CACNG7: variants seen among roughly 807,000 people sequenced by gnomAD.
The protein encoded by CACNG7 is calcium voltage-gated channel auxiliary subunit gamma 7.
In CACNG7, 9 loss-of-function variants were observed where a neutral mutation model predicts 26.3. The observed-to-expected ratio is 0.34, with a 90% CI of 0.21 to 0.60. CACNG7 has a LOEUF of 0.60. CACNG7 is among the 20% of genes least tolerant of loss of function. The probability of loss-of-function intolerance (pLI) is 0.81; values close to 1 mark genes in which losing one functional copy is unlikely to be tolerated. For synonymous variants in CACNG7, 170 were observed against 157.0 expected, an observed-to-expected ratio of 1.08 and a Z score of -0.62; for missense variants, 297 against 380.4, an observed-to-expected ratio of 0.78 and a Z score of 1.82.
chr19:53,926,205 A>G (rs930420412), intron 4 of CACNG7, among the ~76,000 whole-genome samples: 5 of 152,088 alleles, frequency 3.3e-5, no homozygotes, highest in African/African-American at 1.2e-4. Context: ...TACACTTAGA[A>G]TACACCCAAA....
chr19:53,915,552 G>A, intron 4 of CACNG7, 47 bp downstream of exon 4: 1 of 1,606,816 alleles, frequency 6.2e-7, no homozygotes, highest in Non-Finnish European at 8.5e-7. Flanking sequence ...TCCAGTTCCA[G>A]GGACCTGTGG....
rs1399903345 is a variant in CACNG7, at chr19:53,912,826, C to T, written c.-6C>T. On this transcript the variant is annotated 5_prime_UTR_variant, in exon 2 of 6. Coordinates refer to ENST00000391767, the MANE Select transcript of CACNG7 (RefSeq NM_031896.5). This position sits in a 1 kb window ranked among gnomAD's most constrained non-coding sequence, Gnocchi z 4.6. ...AGGCCCCGCAGGGCGCCCCCTGCCT[C>T]TGAGGATGAGTCACTGCAGCAGCCG... The T allele has an allele frequency of 2.5e-6, 4 of 1,611,452 alleles. No homozygotes were observed. The South Asian group carries it at 4.4e-5, about 18-fold the overall frequency.
Position 53,942,574 on chromosome 19 carries a change from TCCAAGAAA to T in CACNG7, c.*282_*289del. ...CGCCCCTTTCCTCTGGCCCCTCCTC[TCCAAGAAA>T]ATTAGCTCCTCCCTCGTTCTCCACC... On this transcript the variant is annotated 3_prime_UTR_variant, in exon 6 of 6. Transcript: ENST00000391767. This position sits in a 1 kb window ranked among gnomAD's most constrained non-coding sequence, Gnocchi z 5.9. 7.5e-7 allele frequency: 1 copy of T among 1,330,928 alleles called. No individual in the cohort carries two copies. The highest frequency in any genetic ancestry group is 2.1e-5 in the South Asian group (1 of 48,300). 82.4% of individuals were successfully genotyped at this position (1,330,928 alleles called of 1,614,324 possible).
chr19:53,931,547 G>T lies in CACNG7; in HGVS notation c.425-9923G>T, dbSNP rs185494072. ...ATTAAAATACAAAAAAGTTAGCCAG[G>T]TGTGGTGGTGCATGCCTGTAGTCCC... On this transcript the variant is annotated intron_variant, in intron 4 of 5. Coordinates refer to ENST00000391767, the MANE Select transcript of CACNG7 (RefSeq NM_031896.5). 3.5e-3 allele frequency among the ~76,000 whole-genome samples: 527 copies of T among 151,816 alleles called. 7 individuals carry two copies. The highest frequency in any genetic ancestry group is 0.029 in the South Asian group (141 of 4,794).
chr19:53,939,923 T>C lies in CACNG7; in HGVS notation c.425-1547T>C, dbSNP rs1013112849. On this transcript the variant is annotated intron_variant, in intron 4 of 5. Coordinates refer to ENST00000391767, the MANE Select transcript of CACNG7 (RefSeq NM_031896.5). The surrounding 1 kb of genome is among the most constrained non-coding windows in gnomAD (Gnocchi z 4.2). Reference sequence around the variant, plus strand: ...TTTGATTTTTAACATCATTTACTTATGTGAAAGCCATTCTTAGCTGGTGGG... The same window carrying C: ...TTTGATTTTTAACATCATTTACTTACGTGAAAGCCATTCTTAGCTGGTGGG... Among the ~76,000 whole-genome samples, 1 of 152,224 alleles carries C rather than the reference T, an allele frequency of 6.6e-6. No individual in the cohort carries two copies. The highest frequency in any genetic ancestry group is 1.5e-5 in the Non-Finnish European group (1 of 68,040).
intron 4 of CACNG7, among the ~76,000 whole-genome samples, chr19:53,927,846 A>G (rs1376426027): frequency 6.9e-6 from 1 of 145,232 alleles, no homozygotes; most frequent in Non-Finnish European, 1.5e-5. Flanking sequence ...CTCAAAAAAA[A>G]AAAAAAAGGA....
chr19:53,914,290 A>AAGAG (rs1555809771), intron 2 of CACNG7, among the ~76,000 whole-genome samples: 1 of 101,670 alleles, frequency 9.8e-6, no homozygotes, highest in African/African-American at 3.3e-5. Context: ...AAAAAAAAGA[A>AAGAG]AAAAAGAAAA....
chr19:53,914,323 A>G (rs1442394586), intron 2 of CACNG7, among the ~76,000 whole-genome samples, 177 bp from the exon 3 acceptor site: 2 of 151,764 alleles, frequency 1.3e-5, no homozygotes, highest in Admixed American at 1.3e-4. Context: ...GGAATCCCAG[A>G]CAGACATCCA....
At chr19:53,931,474 G>A (rs1212522166) in intron 4 of CACNG7, among the ~76,000 whole-genome samples, 4 of 151,760 alleles carry the variant, frequency 2.6e-5, no homozygotes, top group Non-Finnish European at 4.4e-5. Flanking sequence ...ACCATTTGAG[G>A]TCAGGTGTTT....
At chr19:53,920,932 T>TGGACTTGCCCCAGGCTGGTCATTGGC (rs2068942486) in intron 4 of CACNG7, among the ~76,000 whole-genome samples, 1 of 103,098 alleles carries the variant, frequency 9.7e-6, no homozygotes, top group East Asian at 2.8e-4. Flanking sequence ...TGGTCATTGG[T>TGGACTTGCCCCAGGCTGGTCATTGGC]GGACTTGCCC....
chr19:53,941,589 G>T lies in CACNG7; in HGVS notation c.544G>T (p.Ala182Ser), dbSNP rs768161757. Reference sequence around the variant, plus strand: ...TCGCTACGGGTGGTCTTTTGCCTTCGCCGCTTCCTCCTTCCTACTCAAAGA... The same window carrying T: ...TCGCTACGGGTGGTCTTTTGCCTTCTCCGCTTCCTCCTTCCTACTCAAAGA... Reference protein sequence around the residue: ...HYRYGWSFAFAASSFLLKEGA... With the variant: ...HYRYGWSFAFSASSFLLKEGA... Residue 182 changes from alanine to serine, a missense_variant, in exon 5 of 6, where the codon GCC becomes TCC. Physicochemically the swap from Ala to Ser is moderately conservative, Grantham distance 99 (BLOSUM62 1). Coordinates refer to ENST00000391767, the MANE Select transcript of CACNG7 (RefSeq NM_031896.5). The T allele has an allele frequency of 6.2e-7, 1 of 1,611,650 alleles. No homozygotes were observed. The highest frequency in any genetic ancestry group is 1.1e-5 in the South Asian group (1 of 90,644).
At chr19:53,910,623 G>T (rs1391254421) in intron 1 of CACNG7, among the ~76,000 whole-genome samples, 1 of 152,142 alleles carries the variant, frequency 6.6e-6, no homozygotes, top group Non-Finnish European at 1.5e-5. Flanking sequence ...AGGGTCCCAA[G>T]TTGAGACCCC....
chr19:53,942,606 C>T lies in CACNG7; in HGVS notation c.*313C>T, dbSNP rs1354074087. The stretch of plus-strand genomic sequence containing the variant: ...AAATTAGCTCCTCCCTCGTTCTCCA[C>T]CTGCTCTGAGCTGGGAGCAGCCAGA... On this transcript the variant is annotated 3_prime_UTR_variant, in exon 6 of 6. Transcript: ENST00000391767. The surrounding 1 kb of genome is among the most constrained non-coding windows in gnomAD (Gnocchi z 5.9). 2.4e-6 allele frequency: 3 copies of T among 1,262,692 alleles called. No individual in the cohort carries two copies. Among genetic ancestry groups the T allele is most frequent in the Admixed American group, 7.5e-5 (2 of 26,688 alleles). The allele number at this position is 1,262,692 out of a possible 1,614,324, so 78.2% of individuals were successfully genotyped here. A position where few individuals can be genotyped will look rare whatever the true frequency, so the allele number is the denominator to read the frequency against.
At chr19:53,930,874 C>T (rs964769873) in intron 4 of CACNG7, among the ~76,000 whole-genome samples, 1 of 152,146 alleles carries the variant, frequency 6.6e-6, no homozygotes, top group Non-Finnish European at 1.5e-5. Context: ...AAATTGCATA[C>T]ATGTTGATAG....
chr19:53,911,073 AT>A (rs3039168), intron 1 of CACNG7, among the ~76,000 whole-genome samples: 23 of 146,066 alleles, frequency 1.6e-4, no homozygotes, highest in Admixed American at 2.0e-4. Flanking sequence ...CTCATTCATG[AT>A]TTTTTTTTTT....
In CACNG7 at chr19:53,942,367, C is replaced by G. The variant is rs1458554887; in HGVS notation, c.*74C>G. 4 of 1,539,506 alleles carry G rather than the reference C, an allele frequency of 2.6e-6. No individual in the cohort carries two copies. The highest frequency in any genetic ancestry group is 2.6e-6 in the Non-Finnish European group (3 of 1,143,672). On this transcript the variant is annotated 3_prime_UTR_variant, in exon 6 of 6. Coordinates refer to ENST00000391767, the MANE Select transcript of CACNG7 (RefSeq NM_031896.5). This position sits in a 1 kb window ranked among gnomAD's most constrained non-coding sequence, Gnocchi z 5.9. ...GGGGGTCTCCCTGCAATGCAGCGCC[C>G]CCTTCCGTCCTCGGGACTCCTCGCT...
Position 53,922,338 on chromosome 19 carries a change from CCCCAGGCCTGGTCATTGGTGG to C in CACNG7, c.424+6834_424+6854del, listed in dbSNP as rs1264630314. ...CAGGTCTGGTCATTGGTGGAGTTGT[CCCCAGGCCTGGTCATTGGTGG>C]AGTTGTCCCCAGGCCTGGTCATTGG... On this transcript the variant is annotated intron_variant, in intron 4 of 5. Coordinates refer to ENST00000391767, the MANE Select transcript of CACNG7 (RefSeq NM_031896.5). 7.5e-4 allele frequency among the ~76,000 whole-genome samples: 63 copies of C among 84,340 alleles called. 11 individuals are homozygous for C. The highest frequency in any genetic ancestry group is 3.6e-3 in the African/African-American group (57 of 16,028). 55.3% of individuals were successfully genotyped at this position (84,340 alleles called of 152,430 possible). A position where few individuals can be genotyped will look rare whatever the true frequency, so the allele number is the denominator to read the frequency against.
At chr19:53,919,884 C>A (rs1599972390) in intron 4 of CACNG7, among the ~76,000 whole-genome samples, 1 of 124,130 alleles carries the variant, frequency 8.1e-6, no homozygotes, top group Middle Eastern at 7.5e-3. Flanking sequence ...CCAGGCTGGT[C>A]ATTGGTGGAC....
At chr19:53,911,194 T>C (rs1025834010) in intron 1 of CACNG7, among the ~76,000 whole-genome samples, 1 of 151,902 alleles carries the variant, frequency 6.6e-6, no homozygotes, top group African/African-American at 2.4e-5. Flanking sequence ...GCCTCCTGAG[T>C]ATCTGGGATT....
Sources: gnomAD v4.1 joint callset for allele counts (sites outside exome capture counted in the v4.1 genomes callset) on GRCh38, gnomAD v4.1.1 for gene constraint, Gnocchi (gnomAD v3.1) non-coding constraint, MANE v1.5 for transcripts, NCBI Gene and HGNC (gene_info 2026-07-23, HGNC 2026-07-21) for gene names.